KMT2C: variants seen among roughly 807,000 people sequenced by gnomAD.
The protein encoded by KMT2C is lysine methyltransferase 2C.
A neutral mutation model predicts 507.9 loss-of-function variants in KMT2C; 88 were observed. The ratio of observed to expected loss-of-function variants is 0.17; its 90% CI spans 0.15 to 0.21. The LOEUF is 0.21. Among genes scored for constraint, KMT2C ranks in the 10% least tolerant of loss-of-function variants. The pLI, the probability that KMT2C is intolerant of heterozygous loss-of-function variation, is 1.00. For synonymous variants in KMT2C, 2,049 were observed against 2,080.8 expected (o/e 0.98, Z 0.42); for missense variants, 4,954 against 5,957.8 (o/e 0.83, Z 5.55).
At chr7:152,176,113 T>C (rs2129112374) in intron 38 of KMT2C, 78 bp downstream of exon 38, 2 of 1,304,818 alleles carry the variant, frequency 1.5e-6, no homozygotes, top group African/African-American at 1.5e-5. Flanking sequence ...GTAATTCTAA[T>C]AATAAAATCT....
intron 6 of KMT2C, among the ~76,000 whole-genome samples, chr7:152,274,200 A>G (rs2096032964): frequency 6.6e-6 from 1 of 152,174 alleles, no homozygotes; most frequent in Non-Finnish European, 1.5e-5. Context: ...AGGTTTCTAT[A>G]TTGAGGATTA....
In KMT2C at chr7:152,174,214, C is replaced by A; in HGVS notation, c.9291G>T (p.Met3097Ile). ...IDFDAITDPI[M>I]KAKMVALKGI... ...CTTTAAGGGCCACCATTTTGGCTTT[C>A]ATTATAGGATCTGTAATTGCATCAA... The change falls in exon 39 of 59, where the codon ATG (methionine) becomes ATT (isoleucine). Residue 3097 changes from methionine to isoleucine, a missense_variant. This residue lies in a region of KMT2C where 1,689 missense variants were observed against 1,654.3 expected (regional missense o/e 1.02). Coordinates refer to ENST00000262189, the MANE Select transcript of KMT2C (RefSeq NM_170606.3). The A allele has an allele frequency of 6.2e-7, 1 of 1,600,272 alleles. No individual in the cohort carries two copies. Among genetic ancestry groups the A allele is most frequent in the Non-Finnish European group, 8.5e-7 (1 of 1,170,384 alleles).
At position 152,134,998 on chromosome 7, in the gene KMT2C, C is replaced by T. The variant is rs2129087675; in HGVS notation, c.*1834G>A. The T allele has an allele frequency of 4.4e-6, 1 of 227,682 alleles. No homozygotes were observed. Among genetic ancestry groups the T allele is most frequent in the Middle Eastern group, 1.3e-3 (1 of 748 alleles). The allele number at this position is 227,682 out of a possible 1,614,324, so 14.1% of individuals were successfully genotyped here. A position where few individuals can be genotyped will look rare whatever the true frequency, so the allele number is the denominator to read the frequency against. Reference sequence around the variant, plus strand: ...TGTCCACAAATTCCAAAACCCATAACACTCTGTATACTTCAAAAAATTCAA... The same window carrying T: ...TGTCCACAAATTCCAAAACCCATAATACTCTGTATACTTCAAAAAATTCAA... On this transcript the variant is annotated 3_prime_UTR_variant, in exon 59 of 59. Coordinates refer to ENST00000262189, the MANE Select transcript of KMT2C (RefSeq NM_170606.3).
At chr7:152,221,592 T>A (rs2094774096) in intron 22 of KMT2C, among the ~76,000 whole-genome samples, 1 of 152,234 alleles carries the variant, frequency 6.6e-6, no homozygotes, top group African/African-American at 2.4e-5. Context: ...TTCAAAAGAA[T>A]GACTGTTTAA....
chr7:152,282,427 T>A (rs11971877), intron 6 of KMT2C, among the ~76,000 whole-genome samples: 1 of 152,120 alleles, frequency 6.6e-6, no homozygotes, highest in African/African-American at 2.4e-5. Context: ...GACCTCAAAT[T>A]GAAAGTCCTC....
At chr7:152,159,572 C>G (rs2092319890) in intron 43 of KMT2C, among the ~76,000 whole-genome samples, 1 of 152,130 alleles carries the variant, frequency 6.6e-6, no homozygotes, top group Non-Finnish European at 1.5e-5. Context: ...ACAGATAGCA[C>G]CAGACAACAA....
rs1246910834 is a variant in KMT2C at position 152,238,776 on chromosome 7, G to A, written c.2583C>T (p.Asp861=). ...TAAAAATTTCCCGACCTTCTGAAAT[G>A]TCTGGGGACCAGGAAGGTGGGCTCA... ...NTVSPPSWSP[D]ISEGREIFKP... is the part of the protein sequence containing the mutation. The change falls in exon 15 of 59, where the codon GAC becomes GAT. Residue 861 remains aspartate, a synonymous_variant. Transcript: ENST00000262189. 1.2e-6 allele frequency: 2 copies of A among 1,609,608 alleles called. No homozygotes were observed. The highest frequency in any genetic ancestry group is 8.5e-7 in the Non-Finnish European group (1 of 1,178,656).
chr7:152,233,345 G>C (rs1485597259), intron 16 of KMT2C, among the ~76,000 whole-genome samples: 3 of 152,106 alleles, frequency 2.0e-5, no homozygotes, highest in Non-Finnish European at 2.9e-5. Context: ...TATCCAGAAG[G>C]TGATAGAAAT....
At position 152,330,746 on chromosome 7, in the gene KMT2C, A is replaced by G. The variant is rs1330922766; in HGVS notation, c.251-7T>C. 1 of 1,613,014 alleles carries G rather than the reference A, an allele frequency of 6.2e-7. No individual in the cohort carries two copies. The highest frequency in any genetic ancestry group is 1.3e-5 in the African/African-American group (1 of 74,924). The stretch of plus-strand genomic sequence containing the variant: ...GCAGATTGTTCTTTGATTTCTGCTT[A>G]ACAGTAAACAAGAGAAAACAAAGAG... On this transcript the variant is annotated splice_polypyrimidine_tract_variant and splice_region_variant and intron_variant, in intron 2 of 58. Coordinates refer to ENST00000262189, the MANE Select transcript of KMT2C (RefSeq NM_170606.3).
At position 152,144,099 on chromosome 7, in the gene KMT2C, G is replaced by A. The variant is rs1345729718; in HGVS notation, c.14343+614C>T. On this transcript the variant is annotated intron_variant, in intron 55 of 58. Coordinates refer to ENST00000262189, the MANE Select transcript of KMT2C (RefSeq NM_170606.3). This position sits in a 1 kb window ranked among gnomAD's most constrained non-coding sequence, Gnocchi z 4.4. ...CAGCAAGGAGCTTGTAGGATGGCGG[G>A]GTTTAGGAGCTGGACAAGTTTGACA... 2.0e-5 allele frequency among the ~76,000 whole-genome samples: 3 copies of A among 152,258 alleles called. No individual in the cohort carries two copies. Among genetic ancestry groups the A allele is most frequent in the South Asian group, 4.1e-4 (2 of 4,822 alleles).
At chr7:152,368,299 G>A in intron 1 of KMT2C, 2 of 1,178,062 alleles carry the variant, frequency 1.7e-6, no homozygotes, top group Non-Finnish European at 2.5e-6. Flanking sequence ...ACTGGCAGCT[G>A]TGACTTATAA....
chr7:152,354,772 G>C (rs935233627), intron 2 of KMT2C, among the ~76,000 whole-genome samples: 7 of 152,162 alleles, frequency 4.6e-5, no homozygotes, highest in African/African-American at 1.7e-4. Context: ...GGAGCCCAGT[G>C]AACAAGGGAA....
chr7:152,411,597 T>TA (rs10706260), intron 1 of KMT2C, among the ~76,000 whole-genome samples: 1 of 134,186 alleles, frequency 7.5e-6, no homozygotes, highest in Non-Finnish European at 1.6e-5. Context: ...AGCAGGCACC[T>TA]AAAAAAAGGT....
At chr7:152,254,357 T>C (rs2095610911) in intron 9 of KMT2C, among the ~76,000 whole-genome samples, 2 of 152,178 alleles carry the variant, frequency 1.3e-5, no homozygotes, top group African/African-American at 2.4e-5. Flanking sequence ...CAGACTCTAA[T>C]ACCACATTAA....
intron 2 of KMT2C, among the ~76,000 whole-genome samples, chr7:152,347,863 G>A (rs1024455833): frequency 2.0e-5 from 3 of 151,662 alleles, no homozygotes; most frequent in South Asian, 2.1e-4. Flanking sequence ...AAATTGTCAC[G>A]AATCTCCACG....
rs1431461907 is a variant in KMT2C at position 152,347,665 on chromosome 7, ACATACAGTCTTTAAGTG to A, written c.250+10905_250+10921del. ...ATTTCTCTCAATTGCCAATGGTACC[ACATACAGTCTTTAAGTG>A]TGTGCTTAAGTTTTGATAAATTTTA... On this transcript the variant is annotated intron_variant, in intron 2 of 58. Transcript: ENST00000262189. 6.6e-5 allele frequency among the ~76,000 whole-genome samples: 10 copies of A among 152,366 alleles called. No individual in the cohort carries two copies. The East Asian group carries it at 1.9e-3, about 29-fold the overall frequency.
intron 1 of KMT2C, among the ~76,000 whole-genome samples, chr7:152,369,576 A>AT (rs2097276506): frequency 6.6e-6 from 1 of 152,134 alleles, no homozygotes; most frequent in Non-Finnish European, 1.5e-5. Flanking sequence ...TTAAGAGGTG[A>AT]TTAGGTTGTT....
intron 6 of KMT2C, among the ~76,000 whole-genome samples, chr7:152,277,903 T>C (rs748775444): frequency 6.6e-6 from 1 of 152,216 alleles, no homozygotes; most frequent in African/African-American, 2.4e-5. Flanking sequence ...ATAGCAACTT[T>C]CAAAACATGC....
Position 152,308,468 on chromosome 7 carries a change from G to C in KMT2C, c.849+1498C>G, listed in dbSNP as rs150185716. On this transcript the variant is annotated intron_variant, in intron 6 of 58. Transcript: ENST00000262189. ...AGGCAGGCAGATCACCTGAGGTCAG[G>C]AGTTCAAGATCAGGCTGGCCAACGT... Among the ~76,000 whole-genome samples, 3 of 151,486 alleles carry C rather than the reference G, an allele frequency of 2.0e-5. No individual in the cohort carries two copies. In the East Asian group the frequency reaches 5.9e-4, roughly 30 times the overall value.
Sources: allele counts gnomAD v4.1 joint callset (sites outside exome capture counted in the v4.1 genomes callset), GRCh38; gene constraint gnomAD v4.1.1; regional missense constraint gnomAD v4.1.1; non-coding constraint Gnocchi (gnomAD v3.1); transcripts MANE v1.5; gene names NCBI Gene and HGNC (gene_info 2026-07-23, HGNC 2026-07-21).